CELSR2: variants seen among roughly 807,000 people sequenced by gnomAD.
CELSR2 encodes EGF-like protein 2.
Under a neutral mutation model 251.6 loss-of-function variants are expected in CELSR2, and 81 were observed. The observed-to-expected ratio is 0.32, with a 90% CI of 0.27 to 0.39. The LOEUF (loss-of-function observed/expected upper bound fraction) is 0.39, where lower values mean the gene tolerates loss of function less well. Among genes scored for constraint, CELSR2 ranks in the 10% least tolerant of loss-of-function variants. The probability of loss-of-function intolerance (pLI) is 1.00; values close to 1 mark genes in which losing one functional copy is unlikely to be tolerated. For missense variants in CELSR2, 3,365 were observed against 3,947.7 expected (o/e 0.85, Z 3.96); for synonymous variants, 1,721 against 1,670.5 (o/e 1.03, Z -0.74).
At position 109,268,819 on chromosome 1, in the gene CELSR2, G is replaced by T. The variant is rs932362684; in HGVS notation, c.6502+55G>T. On this transcript the variant is annotated intron_variant, in intron 18 of 33. Transcript: ENST00000271332. ...TTTGTGGAGGGAGTCCCCGACAAGA[G>T]CGGCTGTGCTGGGGTCCTGCCTGCC... 1.9e-5 allele frequency: 30 copies of T among 1,583,394 alleles called. No homozygotes were observed. The South Asian group carries it at 3.3e-4, about 17-fold the overall frequency.
chr1:109,270,160 T>C (rs781195025), intron 23 of CELSR2, 27 bp downstream of exon 23: 2 of 1,609,518 alleles, frequency 1.2e-6, no homozygotes, highest in Admixed American at 1.7e-5. Flanking sequence ...GCCCAGAAAC[T>C]GTCCCCACCT....
At position 109,262,962 on chromosome 1, in the gene CELSR2, C is replaced by T. The variant is rs763804557; in HGVS notation, c.4701C>T (p.Thr1567=). 5 of 1,612,456 alleles carry T rather than the reference C, an allele frequency of 3.1e-6. No individual in the cohort carries two copies. Among genetic ancestry groups the T allele is most frequent in the African/African-American group, 2.7e-5 (2 of 74,932 alleles). The part of the protein sequence containing the change: ...DMADFIANNG[T]VPGCPAKKNV... ...CTGACTTCATTGCCAACAATGGCAC[C>T]GTGCCTGGTATGGGGGCCCGGGGTG... Residue 1567 remains threonine, a synonymous_variant, in exon 7 of 34, where the codon ACC becomes ACT. Transcript: ENST00000271332.
In CELSR2 at chr1:109,269,887, G is replaced by A; in HGVS notation, c.7108-46G>A. 1 of 1,613,870 alleles carries A rather than the reference G, an allele frequency of 6.2e-7. No individual in the cohort carries two copies. Among genetic ancestry groups the A allele is most frequent in the Non-Finnish European group, 8.5e-7 (1 of 1,179,912 alleles). ...CCAGGGCACGGGGCTGGGTGCTCAG[G>A]TCCTGCCCTTCCTAATTCCCTGGCC... On this transcript the variant is annotated intron_variant, in intron 22 of 33. Transcript: ENST00000271332. This position sits in a 1 kb window ranked among gnomAD's most constrained non-coding sequence, Gnocchi z 6.4.
In CELSR2 at chr1:109,263,978, G is replaced by A. The variant is rs1043553099; in HGVS notation, c.5002-100G>A. 3.8e-5 allele frequency: 55 copies of A among 1,459,796 alleles called. No individual in the cohort carries two copies. In the East Asian group the frequency reaches 1.2e-3, roughly 32 times the overall value. 90.4% of individuals were successfully genotyped at this position (1,459,796 alleles called of 1,614,324 possible). A position where few individuals can be genotyped will look rare whatever the true frequency, so the allele number is the denominator to read the frequency against. On this transcript the variant is annotated intron_variant, in intron 9 of 33. Coordinates refer to ENST00000271332, the MANE Select transcript of CELSR2 (RefSeq NM_001408.3). Reference sequence around the variant, plus strand: ...CTTTCCTCTCTATGGCCTCAGCTGGGCAGCGGGATGGGTTTGATGGTCCAG... The same window carrying A: ...CTTTCCTCTCTATGGCCTCAGCTGGACAGCGGGATGGGTTTGATGGTCCAG...
At chr1:109,270,852 G>C in intron 24 of CELSR2, 75 bp from the exon 25 acceptor site, 1 of 1,128,912 alleles carries the variant, frequency 8.9e-7, no homozygotes, top group Non-Finnish European at 1.3e-6. Flanking sequence ...GGCCCTGTGA[G>C]CCCACCTGCC....
rs1056986270 is a variant in CELSR2 at position 109,253,494 on chromosome 1, T to C, written c.3310+105T>C. On this transcript the variant is annotated intron_variant, in intron 1 of 33. Coordinates refer to ENST00000271332, the MANE Select transcript of CELSR2 (RefSeq NM_001408.3). ...TCCAGGAAGCAGCTACAGATCCACC[T>C]CCCTGCCCAGTGCCTGGCACAGAGC... The C allele has an allele frequency of 3.4e-6, 5 of 1,472,536 alleles. No homozygotes were observed. In the African/African-American group the frequency reaches 5.6e-5, roughly 17 times the overall value. The allele number at this position is 1,472,536 out of a possible 1,614,324, so 91.2% of individuals were successfully genotyped here.
chr1:109,272,826 C>T lies in CELSR2; in HGVS notation c.8144-7C>T. The T allele has an allele frequency of 1.2e-6, 2 of 1,612,918 alleles. No homozygotes were observed. The highest frequency in any genetic ancestry group is 1.7e-4 in the Middle Eastern group (1 of 6,058). On this transcript the variant is annotated splice_region_variant and splice_polypyrimidine_tract_variant and intron_variant, in intron 30 of 33. Coordinates refer to ENST00000271332, the MANE Select transcript of CELSR2 (RefSeq NM_001408.3). ...GGGCTGGCTGTGATCTCTCCCTGGC[C>T]TCCTAGATCCTGACACGGACTCCGA...
At position 109,259,072 on chromosome 1, in the gene CELSR2, C is replaced by T; in HGVS notation, c.3951C>T (p.Gly1317=). The T allele has an allele frequency of 6.3e-7, 1 of 1,579,088 alleles. No homozygotes were observed. Among genetic ancestry groups the T allele is most frequent in the South Asian group, 1.1e-5 (1 of 88,150 alleles). The change falls in exon 2 of 34, where the codon GGC becomes GGT. Residue 1317 remains glycine (G), a synonymous_variant. Transcript: ENST00000271332. The stretch of plus-strand genomic sequence containing the variant: ...GCTACACCTGCCTCTGTCGTGATGG[C>T]TACACGGGTGAGCCAAGGGAGGGGA... ...EGGYTCLCRD[G]YTGEHCEVSA... is the part of the protein sequence containing the mutation.
intron 1 of CELSR2, 40 bp from the exon 2 acceptor site, chr1:109,258,392 G>A (rs781071431): frequency 1.4e-5 from 21 of 1,456,536 alleles, no homozygotes; most frequent in Non-Finnish European, 1.9e-5. Flanking sequence ...AGGCTGAATT[G>A]CAGCCCCAGG....
chr1:109,263,055 G>A, intron 7 of CELSR2, 86 bp downstream of exon 7: 8 of 1,582,454 alleles, frequency 5.1e-6, no homozygotes, highest in South Asian at 2.3e-5. Flanking sequence ...AGAATGGAGG[G>A]TCTCAGAGGC....
rs374531818 is a variant in CELSR2, at chr1:109,261,087, G to C, written c.4004G>C (p.Gly1335Ala). Residue 1335 changes from glycine (G) to alanine (A), a missense_variant, in exon 3 of 34, where the codon GGT becomes GCT. Gly to Ala is a moderately conservative substitution (Grantham distance 60). Coordinates refer to ENST00000271332, the MANE Select transcript of CELSR2 (RefSeq NM_001408.3). This position sits in a 1 kb window ranked among gnomAD's most constrained non-coding sequence, Gnocchi z 4.8. The stretch of plus-strand genomic sequence containing the variant: ...GCTCGCTCAGGCCGTTGCACCCCGG[G>C]TGTCTGCAAGAATGGGGGCACCTGT... ...VSARSGRCTP[G>A]VCKNGGTCVN... 1.5e-5 allele frequency: 24 copies of C among 1,614,070 alleles called. No individual in the cohort carries two copies. The highest frequency in any genetic ancestry group is 4.0e-5 in the African/African-American group (3 of 75,040).
Position 109,273,166 on chromosome 1 carries a change from A to C in CELSR2, c.8339A>C (p.Asp2780Ala), listed in dbSNP as rs1185132653. The part of the protein sequence containing the change: ...ERLPLHSTPK[D>A]GGPGPGKAPW... Reference sequence around the variant, plus strand: ...CTCATCTACTTCCTTTCCCCACCAGATGGGGGCCCAGGGCCTGGCAAGGCC... The same window carrying C: ...CTCATCTACTTCCTTTCCCCACCAGCTGGGGGCCCAGGGCCTGGCAAGGCC... The change falls in exon 32 of 34, where the codon GAT (aspartate) becomes GCT (alanine). Residue 2780 changes from aspartate to alanine, a missense_variant and splice_region_variant. This residue lies in a region of CELSR2 where 2,093 missense variants were observed against 2,382.8 expected (regional missense o/e 0.88). Transcript: ENST00000271332. 6.2e-7 allele frequency: 1 copy of C among 1,609,346 alleles called. No individual in the cohort carries two copies. Among genetic ancestry groups the C allele is most frequent in the Admixed American group, 1.7e-5 (1 of 59,282 alleles).
rs374718427 is a variant in CELSR2, at chr1:109,261,872, G to A, written c.4362G>A (p.Thr1454=). The part of the protein sequence containing the change: ...PGGVSDGQWH[T]VQLKYYNKPL... ...GAGTCAGTGATGGCCAGTGGCATACGGTGCAGCTGAAATACTACAATAAGG... is the reference window on the plus strand; with the variant it reads ...GAGTCAGTGATGGCCAGTGGCATACAGTGCAGCTGAAATACTACAATAAGG... Residue 1454 remains threonine (T), a synonymous_variant, in exon 5 of 34, where the codon ACG becomes ACA. Coordinates refer to ENST00000271332, the MANE Select transcript of CELSR2 (RefSeq NM_001408.3). The surrounding 1 kb of genome is among the most constrained non-coding windows in gnomAD (Gnocchi z 4.8). 28 of 1,587,190 alleles carry A rather than the reference G, an allele frequency of 1.8e-5. No individual in the cohort carries two copies. Among genetic ancestry groups the A allele is most frequent in the South Asian group, 5.7e-5 (5 of 87,660 alleles).
chr1:109,265,325 G>T lies in CELSR2; in HGVS notation c.5727+14G>T, dbSNP rs372283452. Reference sequence around the variant, plus strand: ...TGCCACTGCAAGGTGACAGCCCCAAGCAAGCCTCCACTGTGGCCACTTGGG... The same window carrying T: ...TGCCACTGCAAGGTGACAGCCCCAATCAAGCCTCCACTGTGGCCACTTGGG... On this transcript the variant is annotated intron_variant, in intron 13 of 33. Coordinates refer to ENST00000271332, the MANE Select transcript of CELSR2 (RefSeq NM_001408.3). 1.4e-5 allele frequency: 22 copies of T among 1,589,992 alleles called. No individual in the cohort carries two copies. Among genetic ancestry groups the T allele is most frequent in the East Asian group, 6.7e-5 (3 of 44,814 alleles).
At position 109,272,847 on chromosome 1, in the gene CELSR2, T is replaced by G; in HGVS notation, c.8158T>G (p.Ser2720Ala). 6.2e-7 allele frequency: 1 copy of G among 1,613,390 alleles called. No homozygotes were observed. The highest frequency in any genetic ancestry group is 1.1e-5 in the South Asian group (1 of 91,046). ...TGGCCTCCTAGATCCTGACACGGACTCCGACAGTGACCTGTCCTTAGAAGA... is the reference window on the plus strand; with the variant it reads ...TGGCCTCCTAGATCCTGACACGGACGCCGACAGTGACCTGTCCTTAGAAGA... ...QDQQHDPDTD[S>A]DSDLSLEDDQ... The change falls in exon 31 of 34, where the codon TCC becomes GCC. Residue 2720 changes from serine (S) to alanine (A), a missense_variant. By Grantham distance (99) the Ser-to-Ala change is moderately conservative. Transcript: ENST00000271332.
intron 31 of CELSR2, 66 bp from the exon 32 acceptor site, chr1:109,273,100 G>T: frequency 6.3e-7 from 1 of 1,596,666 alleles, no homozygotes; most frequent in South Asian, 1.1e-5. Context: ...TGGGAAGCAG[G>T]ACTGGGGTGG....
In CELSR2 at chr1:109,274,413, A is replaced by C; in HGVS notation, c.*364A>C. 5 of 311,258 alleles carry C rather than the reference A, an allele frequency of 1.6e-5. No individual in the cohort carries two copies. The highest frequency in any genetic ancestry group is 6.7e-5 in the East Asian group (1 of 14,864). 19.3% of individuals were successfully genotyped at this position (311,258 alleles called of 1,614,324 possible). A position where few individuals can be genotyped will look rare whatever the true frequency, so the allele number is the denominator to read the frequency against. Reference sequence around the variant, plus strand: ...AAATTGACTCCCCTTTCCCTTCCCAAAGAGGATAGGACCTCCCAGGATGCT... The same window carrying C: ...AAATTGACTCCCCTTTCCCTTCCCACAGAGGATAGGACCTCCCAGGATGCT... On this transcript the variant is annotated 3_prime_UTR_variant, in exon 34 of 34. Transcript: ENST00000271332.
At chr1:109,264,758 C>T (rs1570787001) in intron 11 of CELSR2, 110 bp from the exon 12 acceptor site, 2 of 1,589,562 alleles carry the variant, frequency 1.3e-6, no homozygotes, top group Non-Finnish European at 1.7e-6. Context: ...ACAACAAAGC[C>T]ATAGCCAGCT....
Position 109,273,564 on chromosome 1 carries a change from C to A in CELSR2, c.8638C>A (p.Pro2880Thr). 1 of 1,567,318 alleles carries A rather than the reference C, an allele frequency of 6.4e-7. No individual in the cohort carries two copies. Among genetic ancestry groups the A allele is most frequent in the Non-Finnish European group, 8.6e-7 (1 of 1,156,378 alleles). Reference sequence around the variant, plus strand: ...TGAGGGCAGCCGGGGAGGCCCCCCTCCCCGCCCACCGCCCCGGCAGAGCCT... The same window carrying A: ...TGAGGGCAGCCGGGGAGGCCCCCCTACCCGCCCACCGCCCCGGCAGAGCCT... ...ASEGSRGGPP[P>T]RPPPRQSLQE... is the part of the protein sequence containing the mutation. Residue 2880 changes from proline to threonine, a missense_variant, in exon 33 of 34, where the codon CCC (proline) becomes ACC (threonine). Around this residue, in one of 5 missense-constraint regions of CELSR2, gnomAD observed 2,093 missense variants for 2,382.8 expected, o/e 0.88. Transcript: ENST00000271332.
Sources: gnomAD v4.1 joint callset for allele counts on GRCh38, gnomAD v4.1.1 for gene constraint, gnomAD v4.1.1 regional missense constraint, Gnocchi (gnomAD v3.1) non-coding constraint, MANE v1.5 for transcripts, NCBI Gene and HGNC (gene_info 2026-07-23, HGNC 2026-07-21) for gene names.